FAM53B: variants seen among roughly 807,000 people sequenced by gnomAD.
The protein encoded by FAM53B is family with sequence similarity 53 member B.
In FAM53B, 12 loss-of-function variants were observed where a neutral mutation model predicts 32.7. The observed-to-expected ratio is 0.37, with a 90% confidence interval of 0.24 to 0.59. The LOEUF is 0.59. Among genes scored for constraint, FAM53B ranks in the 20% least tolerant of loss-of-function variants. The probability of loss-of-function intolerance (pLI) is 0.72; values close to 1 mark genes in which losing one functional copy is unlikely to be tolerated. For missense variants in FAM53B, 477 were observed against 577.7 expected (o/e 0.83, Z 1.79); for synonymous variants, 234 against 228.7 (o/e 1.02, Z -0.21).
intron 2 of FAM53B, 61 bp downstream of exon 2, chr10:124,706,575 C>T (rs76495587): frequency 0.016 from 26,183 of 1,607,104 alleles, 288 homozygotes; most frequent in Non-Finnish European, 0.02. Flanking sequence ...GTCCACAGCC[C>T]TGTCTGTACA....
chr10:124,726,543 G>A (rs1357111593), intron 1 of FAM53B, among the ~76,000 whole-genome samples: 1 of 152,234 alleles, frequency 6.6e-6, no homozygotes, highest in Non-Finnish European at 1.5e-5. Flanking sequence ...TCAGGCAATG[G>A]ATTGACAAGC....
chr10:124,626,436 G>A (rs1949356278), intron 4 of FAM53B, among the ~76,000 whole-genome samples: 1 of 150,796 alleles, frequency 6.6e-6, no homozygotes, highest in Non-Finnish European at 1.5e-5. Flanking sequence ...GGGCCTCTGG[G>A]AGGTGATGAG....
rs775946388 is a variant in FAM53B at position 124,681,976 on chromosome 10, T to C, written c.537A>G (p.Ser179=). The stretch of plus-strand genomic sequence containing the variant: ...GGTGGAGTCCTGCCTGGTCGCAGGG[T>C]GAGGAGAGCACGTTGGCCCGGGAAG... ...SLPSRANVLS[S]PCDQAGLHHR... Residue 179 remains serine (S), a synonymous_variant, in exon 4 of 5, where the codon TCA becomes TCG. Coordinates refer to ENST00000337318, the MANE Select transcript of FAM53B (RefSeq NM_014661.4). The C allele has an allele frequency of 4.3e-6, 7 of 1,613,920 alleles. No homozygotes were observed. The highest frequency in any genetic ancestry group is 5.9e-6 in the Non-Finnish European group (7 of 1,179,994).
intron 1 of FAM53B, among the ~76,000 whole-genome samples, chr10:124,728,470 T>G (rs997382325): frequency 6.6e-6 from 1 of 151,944 alleles, no homozygotes; most frequent in Non-Finnish European, 1.5e-5. Context: ...AGAGTTTCCA[T>G]GCCAAATACT....
Position 124,651,663 on chromosome 10 carries a change from G to A in FAM53B, c.907-28059C>T, listed in dbSNP as rs543509247. ...CATTTCCTCCTCAGGGGAGCACTGTGGAGACTGTCAGCTGACTTCCGACCC... is the reference window on the plus strand; with the variant it reads ...CATTTCCTCCTCAGGGGAGCACTGTAGAGACTGTCAGCTGACTTCCGACCC... On this transcript the variant is annotated intron_variant, in intron 4 of 4. Coordinates refer to ENST00000337318, the MANE Select transcript of FAM53B (RefSeq NM_014661.4). This position sits in a 1 kb window ranked among gnomAD's most constrained non-coding sequence, Gnocchi z 5.2. 2.0e-5 allele frequency among the ~76,000 whole-genome samples: 3 copies of A among 152,226 alleles called. No individual in the cohort carries two copies. In the South Asian group the frequency reaches 6.2e-4, roughly 32 times the overall value.
intron 4 of FAM53B, among the ~76,000 whole-genome samples, chr10:124,678,406 G>A (rs573800612): frequency 2.0e-5 from 3 of 152,338 alleles, no homozygotes; most frequent in African/African-American, 7.2e-5. Flanking sequence ...CACACATGTT[G>A]TTTCCCTTGC....
At chr10:124,663,533 C>T (rs1949647048) in intron 4 of FAM53B, among the ~76,000 whole-genome samples, 1 of 152,206 alleles carries the variant, frequency 6.6e-6, no homozygotes, top group Admixed American at 6.5e-5. Context: ...ACAGAGGGCC[C>T]ATCTCCCATA....
intron 2 of FAM53B, among the ~76,000 whole-genome samples, chr10:124,700,712 A>T (rs1564881564): frequency 6.6e-6 from 1 of 152,224 alleles, no homozygotes; most frequent in Non-Finnish European, 1.5e-5. Context: ...CAAATGAGGA[A>T]CTGGCCCTGC....
chr10:124,713,750 G>C (rs1950020624), intron 1 of FAM53B: 1 of 152,136 alleles, frequency 6.6e-6, no homozygotes, highest in Admixed American at 6.5e-5. Context: ...CGTACTACTT[G>C]CACACATTAG....
chr10:124,700,029 C>T (rs1332986322), intron 2 of FAM53B, among the ~76,000 whole-genome samples: 2 of 152,248 alleles, frequency 1.3e-5, no homozygotes, highest in East Asian at 1.9e-4. Context: ...TCGTGCTTGA[C>T]CTCAAGACCA....
chr10:124,659,158 T>C (rs1949613655), intron 4 of FAM53B, among the ~76,000 whole-genome samples: 1 of 152,198 alleles, frequency 6.6e-6, no homozygotes, highest in African/African-American at 2.4e-5. Flanking sequence ...CTGACAGGAC[T>C]TGCAGGACAC....
At position 124,682,049 on chromosome 10, in the gene FAM53B, T is replaced by C; in HGVS notation, c.464A>G (p.Tyr155Cys). The C allele has an allele frequency of 3.1e-6, 5 of 1,613,706 alleles. No individual in the cohort carries two copies. The highest frequency in any genetic ancestry group is 3.3e-5 in the Admixed American group (2 of 60,020). Residue 155 changes from tyrosine to cysteine, a missense_variant, in exon 4 of 5, where the codon TAT (tyrosine) becomes TGT (cysteine). Physicochemically the swap from Tyr to Cys is radical, Grantham distance 194. This residue lies in a region of FAM53B where 312 missense variants were observed against 420.2 expected (regional missense o/e 0.74). Transcript: ENST00000337318. This position sits in a 1 kb window ranked among gnomAD's most constrained non-coding sequence, Gnocchi z 5.2. ...CTGCATGGTGCTGAAGCCGTTGGAA[T>C]AGCGCTGGACGCTGCCCCCGCTGTA... ...RCYSGGSVQR[Y>C]SNGFSTMQRS...
intron 1 of FAM53B, among the ~76,000 whole-genome samples, chr10:124,725,322 C>T (rs1950094813): frequency 6.6e-6 from 1 of 152,238 alleles, no homozygotes; most frequent in African/African-American, 2.4e-5. Context: ...CAGGGTCTCT[C>T]ACCTCCAGCA....
intron 4 of FAM53B, among the ~76,000 whole-genome samples, chr10:124,645,364 G>C (rs1485296705): frequency 6.6e-6 from 1 of 152,236 alleles, no homozygotes. Flanking sequence ...CACTAATTCA[G>C]AGTGCCCCCT....
intron 1 of FAM53B, among the ~76,000 whole-genome samples, chr10:124,718,352 A>G (rs1183435289): frequency 2.0e-5 from 3 of 152,192 alleles, no homozygotes; most frequent in African/African-American, 7.2e-5. Context: ...GGTCTGTTGT[A>G]GAAATTAATC....
chr10:124,724,408 C>A (rs1341768710), intron 1 of FAM53B, among the ~76,000 whole-genome samples: 4 of 152,170 alleles, frequency 2.6e-5, no homozygotes, highest in South Asian at 2.1e-4. Context: ...AAGGCCCAGG[C>A]AGGGGGAGCT....
At chr10:124,655,346 C>T (rs1301953013) in intron 4 of FAM53B, among the ~76,000 whole-genome samples, 2 of 152,148 alleles carry the variant, frequency 1.3e-5, no homozygotes, top group African/African-American at 4.8e-5. Flanking sequence ...TCAGGACCTG[C>T]TGGCCTGGGG....
chr10:124,655,778 G>A (rs1045513371), intron 4 of FAM53B, among the ~76,000 whole-genome samples: 6 of 152,162 alleles, frequency 3.9e-5, no homozygotes, highest in South Asian at 2.1e-4. Context: ...TTCTCTGCTC[G>A]TCGCCTCTGT....
Position 124,706,897 on chromosome 10 carries a change from C to T in FAM53B, c.-174-10G>A, listed in dbSNP as rs992284952. ...AAATGTGGTCAACTCCCTGGAAAGA[C>T]AAAAGAAAAGCAAAAAGATTCAGGA... On this transcript the variant is annotated splice_polypyrimidine_tract_variant and intron_variant, in intron 1 of 4. Coordinates refer to ENST00000337318, the MANE Select transcript of FAM53B (RefSeq NM_014661.4). 3 of 1,434,046 alleles carry T rather than the reference C, an allele frequency of 2.1e-6. No homozygotes were observed. The highest frequency in any genetic ancestry group is 5.6e-5 in the Admixed American group (2 of 35,850). The allele number at this position is 1,434,046 out of a possible 1,614,324, so 88.8% of individuals were successfully genotyped here. A position where few individuals can be genotyped will look rare whatever the true frequency, so the allele number is the denominator to read the frequency against.
Sources: gnomAD v4.1 joint callset for allele counts (sites outside exome capture counted in the v4.1 genomes callset) on GRCh38, gnomAD v4.1.1 for gene constraint, gnomAD v4.1.1 regional missense constraint, Gnocchi (gnomAD v3.1) non-coding constraint, MANE v1.5 for transcripts, NCBI Gene and HGNC (gene_info 2026-07-23, HGNC 2026-07-21) for gene names.